The following SERGEF variants were observed in gnomAD, a reference collection of about 807,000 sequenced individuals.
SERGEF encodes the protein secretion-regulating guanine nucleotide exchange factor.
Under a neutral mutation model 50.0 loss-of-function variants are expected in SERGEF, and 51 were observed. The ratio of observed to expected loss-of-function variants is 1.02; its 90% CI spans 0.81 to 1.29. The LOEUF (loss-of-function observed/expected upper bound fraction) is 1.29, where lower values mean the gene tolerates loss of function less well. SERGEF is among the 50% of genes most tolerant of loss of function. The probability of loss-of-function intolerance (pLI) is 0.00; values close to 1 mark genes in which losing one functional copy is unlikely to be tolerated. For synonymous variants in SERGEF, 205 were observed against 212.4 expected (o/e 0.97, Z 0.30); for missense variants, 521 against 557.0 (o/e 0.94, Z 0.65).
In SERGEF at chr11:17,827,641, G is replaced by A. The variant is rs374466734; in HGVS notation, c.1049-39228C>T. 2.5e-4 allele frequency among the ~76,000 whole-genome samples: 38 copies of A among 152,078 alleles called. No homozygotes were observed. In the East Asian group the frequency reaches 6.6e-3, roughly 26 times the overall value. ...ACCTCCTACTCTTCAGTTACCTCTC[G>A]CCGCATCACTGAATCTTGCCCTCCA... On this transcript the variant is annotated intron_variant, in intron 10 of 10. Coordinates refer to ENST00000265965, the MANE Select transcript of SERGEF (RefSeq NM_012139.4).
intron 10 of SERGEF, among the ~76,000 whole-genome samples, chr11:17,848,197 A>G (rs1850648476): frequency 6.6e-6 from 1 of 152,212 alleles, no homozygotes; most frequent in Non-Finnish European, 1.5e-5. Flanking sequence ...AGACTGTAAC[A>G]GAGGACATAT....
intron 9 of SERGEF, among the ~76,000 whole-genome samples, chr11:17,923,874 C>T (rs1056157750): frequency 8.5e-5 from 13 of 152,236 alleles, no homozygotes; most frequent in Non-Finnish European, 1.8e-4. Flanking sequence ...TGCTACATCA[C>T]AAGCTCCTTG....
intron 9 of SERGEF, among the ~76,000 whole-genome samples, chr11:17,912,359 G>C (rs1271113289): frequency 6.6e-6 from 1 of 152,134 alleles, no homozygotes; most frequent in Non-Finnish European, 1.5e-5. Context: ...AAAAAACACA[G>C]GGAATCTGAA....
chr11:17,856,953 A>T (rs573065452), intron 10 of SERGEF: 1 of 152,352 alleles, frequency 6.6e-6, no homozygotes, highest in African/African-American at 2.4e-5. Context: ...ATGAAACGAA[A>T]GGAAACATGT....
At chr11:17,869,026 T>C (rs746520635) in intron 10 of SERGEF, among the ~76,000 whole-genome samples, 13 of 152,156 alleles carry the variant, frequency 8.5e-5, no homozygotes, top group Non-Finnish European at 1.3e-4. Flanking sequence ...TGGCCTTAAG[T>C]GATCAGCCTG....
chr11:17,918,878 A>G (rs976874440), intron 9 of SERGEF: 7 of 343,486 alleles, frequency 2.0e-5, no homozygotes, highest in Non-Finnish European at 4.0e-5. Context: ...GTCAAGTTAC[A>G]GAACTGCAAG....
intron 6 of SERGEF, among the ~76,000 whole-genome samples, chr11:17,993,340 C>T (rs1853760985): frequency 6.6e-6 from 1 of 152,156 alleles, no homozygotes; most frequent in African/African-American, 2.4e-5. Flanking sequence ...CTAGTAGAGA[C>T]AGATAAATAG....
At chr11:17,790,449 A>G (rs1190161319) in intron 10 of SERGEF, among the ~76,000 whole-genome samples, 1 of 152,098 alleles carries the variant, frequency 6.6e-6, no homozygotes, top group Non-Finnish European at 1.5e-5. Flanking sequence ...TGTGCATAGT[A>G]TCCCATTATG....
chr11:17,902,535 C>T (rs529390308), intron 9 of SERGEF, among the ~76,000 whole-genome samples: 1 of 152,202 alleles, frequency 6.6e-6, no homozygotes, highest in South Asian at 2.1e-4. Context: ...GAACCCCAAG[C>T]CTCGGTAACT....
chr11:17,824,218 G>A (rs528653647), intron 10 of SERGEF, among the ~76,000 whole-genome samples: 26 of 151,924 alleles, frequency 1.7e-4, no homozygotes, highest in African/African-American at 5.1e-4. Flanking sequence ...GGAGAATGGC[G>A]TGAACCCAGG....
In SERGEF at chr11:17,788,292, G is replaced by A; in HGVS notation, c.1170C>T (p.Gly390=). The A allele has an allele frequency of 1.9e-6, 3 of 1,614,200 alleles. No homozygotes were observed. The highest frequency in any genetic ancestry group is 1.3e-5 in the African/African-American group (1 of 75,056). The change falls in exon 11 of 11, where the codon GGC becomes GGT. Residue 390 remains glycine, a synonymous_variant. Transcript: ENST00000265965. ...ALLSSSGLLV[G]CGAGHSLALC... ...GGGCCAAGGAGTGGCCAGCCCCACAGCCCACAAGGAGTCCTGACGATGACA... is the reference window on the plus strand; with the variant it reads ...GGGCCAAGGAGTGGCCAGCCCCACAACCCACAAGGAGTCCTGACGATGACA...
intron 8 of SERGEF, among the ~76,000 whole-genome samples, chr11:17,987,813 G>A (rs972454070): frequency 7.2e-5 from 11 of 152,314 alleles, no homozygotes; most frequent in Admixed American, 7.2e-4. Context: ...TAGCTAGCAA[G>A]CAGGACAGGA....
chr11:17,962,997 C>T (rs1853040839), intron 8 of SERGEF, among the ~76,000 whole-genome samples: 1 of 151,878 alleles, frequency 6.6e-6, no homozygotes, highest in Non-Finnish European at 1.5e-5. Context: ...GCCTGACCAA[C>T]ATGGTGAAAC....
chr11:17,940,247 C>T (rs1172178629), intron 9 of SERGEF, among the ~76,000 whole-genome samples: 1 of 152,140 alleles, frequency 6.6e-6, no homozygotes, highest in Non-Finnish European at 1.5e-5. Flanking sequence ...AAACATTCCT[C>T]TCCTTGTGGG....
chr11:17,956,169 T>C (rs1455865364), intron 9 of SERGEF, among the ~76,000 whole-genome samples: 1 of 152,130 alleles, frequency 6.6e-6, no homozygotes, highest in Non-Finnish European at 1.5e-5. Flanking sequence ...AAATCTCAAA[T>C]AAAGTGTTTC....
At chr11:17,955,420 T>C (rs574316228) in intron 9 of SERGEF, among the ~76,000 whole-genome samples, 1 of 152,288 alleles carries the variant, frequency 6.6e-6, no homozygotes, top group East Asian at 1.9e-4. Context: ...AACCAATGTT[T>C]ATGGAATGGG....
intron 10 of SERGEF, among the ~76,000 whole-genome samples, chr11:17,857,818 A>G (rs1264201334): frequency 6.6e-6 from 1 of 152,172 alleles, no homozygotes; most frequent in African/African-American, 2.4e-5. Context: ...AGCAGTAGGA[A>G]CTTCCATTAA....
chr11:17,898,974 G>C lies in SERGEF; in HGVS notation c.1012-20730C>G, dbSNP rs573419672. Among the ~76,000 whole-genome samples, 4 of 152,238 alleles carry C rather than the reference G, an allele frequency of 2.6e-5. No individual in the cohort carries two copies. The South Asian group carries it at 6.2e-4, about 24-fold the overall frequency. On this transcript the variant is annotated intron_variant, in intron 9 of 10. Coordinates refer to ENST00000265965, the MANE Select transcript of SERGEF (RefSeq NM_012139.4). ...CATGATAGTGAGTGAGTGATCGTGA[G>C]AGCTGGTTGTTTAAAAGTATGTAGC...
intron 9 of SERGEF, among the ~76,000 whole-genome samples, chr11:17,906,260 A>T (rs1006903715): frequency 1.3e-5 from 2 of 152,206 alleles, no homozygotes; most frequent in Non-Finnish European, 2.9e-5. Flanking sequence ...TACCGTGCAG[A>T]ACTCTCAAAC....
Sources: allele counts gnomAD v4.1 joint callset (sites outside exome capture counted in the v4.1 genomes callset), GRCh38; gene constraint gnomAD v4.1.1; transcripts MANE v1.5; gene names NCBI Gene and HGNC (gene_info 2026-07-23, HGNC 2026-07-21).